CLEC16A: variants seen among roughly 807,000 people sequenced by gnomAD.
CLEC16A encodes C-type lectin domain containing 16A.
CLEC16A carries 51 observed loss-of-function variants against 109.5 expected under a neutral mutation model. The observed-to-expected ratio is 0.47, with a 90% CI of 0.37 to 0.59. CLEC16A has a LOEUF of 0.59. CLEC16A is among the 20% of genes least tolerant of loss of function. The pLI, the probability that CLEC16A is intolerant of heterozygous loss-of-function variation, is 0.00. For missense variants in CLEC16A, 1,339 were observed against 1,394.0 expected, an observed-to-expected ratio of 0.96 and a Z score of 0.63; for synonymous variants, 673 against 564.2, an observed-to-expected ratio of 1.19 and a Z score of -2.73.
intron 22 of CLEC16A, among the ~76,000 whole-genome samples, chr16:11,130,348 C>T (rs1011754207): frequency 6.6e-6 from 1 of 152,208 alleles, no homozygotes; most frequent in Non-Finnish European, 1.5e-5. Flanking sequence ...GCCCTAGATA[C>T]TTGGTGGTTT....
At chr16:11,036,335 C>A (rs1256403422) in intron 13 of CLEC16A, among the ~76,000 whole-genome samples, 1 of 151,980 alleles carries the variant, frequency 6.6e-6, no homozygotes, top group African/African-American at 2.4e-5. Context: ...TGGGTCTGCT[C>A]CACTCCCTGC....
At chr16:11,154,347 A>G (rs1046233319) in intron 22 of CLEC16A, among the ~76,000 whole-genome samples, 2 of 152,260 alleles carry the variant, frequency 1.3e-5, no homozygotes, top group African/African-American at 2.4e-5. Context: ...AAATGCAAAT[A>G]GAATAGTCAT....
At chr16:10,989,336 T>C (rs747853796) in intron 10 of CLEC16A, among the ~76,000 whole-genome samples, 2 of 152,076 alleles carry the variant, frequency 1.3e-5, no homozygotes, top group African/African-American at 4.8e-5. Context: ...TCCTCCCACC[T>C]CAGCCTCCTG....
chr16:11,098,352 CAG>C (rs763606447), intron 19 of CLEC16A, among the ~76,000 whole-genome samples: 3 of 152,342 alleles, frequency 2.0e-5, no homozygotes, highest in South Asian at 2.1e-4. Flanking sequence ...CAGAAAGGGA[CAG>C]GGGACCAAGT....
At chr16:10,970,867 C>T (rs1379546655) in intron 4 of CLEC16A, among the ~76,000 whole-genome samples, 1 of 152,256 alleles carries the variant, frequency 6.6e-6, no homozygotes, top group South Asian at 2.1e-4. Flanking sequence ...CCACCTCAGC[C>T]TCTCCCAAGT....
intron 22 of CLEC16A, among the ~76,000 whole-genome samples, chr16:11,148,726 C>T (rs2054171640): frequency 1.3e-5 from 2 of 152,156 alleles, no homozygotes. Flanking sequence ...CCTGTATGGC[C>T]AGGAAAGCAC....
At chr16:11,099,336 C>A (rs903399188) in intron 19 of CLEC16A, among the ~76,000 whole-genome samples, 1 of 152,230 alleles carries the variant, frequency 6.6e-6, no homozygotes, top group Non-Finnish European at 1.5e-5. Context: ...TTGTGGCTGT[C>A]TAAATCTACA....
rs200568391 is a variant in CLEC16A at position 11,178,617 on chromosome 16, C to T, written c.3089C>T (p.Pro1030Leu). ...ACCGGCATGCCCCCGCTGTCCACGC[C>T]GGCTGCCGCCTGCACAGAGCCCGTG... ...SLTGMPPLST[P>L]AAACTEPVGE... The change falls in exon 24 of 24, where the codon CCG becomes CTG. Residue 1030 changes from proline to leucine, a missense_variant. Pro to Leu is a moderately conservative substitution (Grantham distance 98, BLOSUM62 -3). This residue lies in a region of CLEC16A where 1,061 missense variants were observed against 1,006.8 expected (regional missense o/e 1.05). Transcript: ENST00000409790. The surrounding 1 kb of genome is among the most constrained non-coding windows in gnomAD (Gnocchi z 6.5). 9.3e-5 allele frequency: 149 copies of T among 1,600,936 alleles called. 3 individuals carry two copies. In the Middle Eastern group the frequency reaches 2.0e-3, roughly 21 times the overall value.
At position 11,167,746 on chromosome 16, in the gene CLEC16A, G is replaced by A. The variant is rs142992849; in HGVS notation, c.2806+1194G>A. On this transcript the variant is annotated intron_variant, in intron 23 of 23. Coordinates refer to ENST00000409790, the MANE Select transcript of CLEC16A (RefSeq NM_015226.3). ...CTCACTGAGAGATCCTCTTCCACTC[G>A]GCACCTGCTCCAGGGCATGACCACC... Among the ~76,000 whole-genome samples, 4 of 152,186 alleles carry A rather than the reference G, an allele frequency of 2.6e-5. No individual in the cohort carries two copies. In the East Asian group the frequency reaches 7.7e-4, roughly 29 times the overall value.
At chr16:11,098,773 G>T (rs1047582973) in intron 19 of CLEC16A, among the ~76,000 whole-genome samples, 3 of 152,216 alleles carry the variant, frequency 2.0e-5, no homozygotes, top group Non-Finnish European at 4.4e-5. Flanking sequence ...CCCAAGTGCT[G>T]TGTGTGGGAG....
chr16:11,129,089 C>T (rs2053024090), intron 22 of CLEC16A, among the ~76,000 whole-genome samples: 1 of 152,192 alleles, frequency 6.6e-6, no homozygotes. Context: ...ACTCTAGCCC[C>T]AACCCCAGCC....
Position 11,047,284 on chromosome 16 carries a change from C to G in CLEC16A, c.1816-8C>G, listed in dbSNP as rs1321794854. ...AATCTCCTCTTCCCTCCCTTCCTTT[C>G]TTTTTAGGGAGAAGACATTTTTTTG... On this transcript the variant is annotated splice_region_variant and splice_polypyrimidine_tract_variant and intron_variant, in intron 16 of 23. Transcript: ENST00000409790. The G allele has an allele frequency of 1.9e-6, 3 of 1,606,440 alleles. No homozygotes were observed. Among genetic ancestry groups the G allele is most frequent in the Middle Eastern group, 1.7e-4 (1 of 6,036 alleles).
chr16:11,112,907 C>G (rs1448167509), intron 19 of CLEC16A, among the ~76,000 whole-genome samples: 1 of 152,148 alleles, frequency 6.6e-6, no homozygotes, highest in Non-Finnish European at 1.5e-5. Flanking sequence ...GTCTGCACAG[C>G]CTTTCATGGT....
chr16:11,100,949 G>A (rs1036083397), intron 19 of CLEC16A, among the ~76,000 whole-genome samples: 2 of 152,148 alleles, frequency 1.3e-5, no homozygotes, highest in African/African-American at 4.8e-5. Flanking sequence ...TGGTCTGTCT[G>A]TTGAGACTGT....
chr16:11,137,522 G>A (rs1313035041), intron 22 of CLEC16A, among the ~76,000 whole-genome samples: 2 of 149,746 alleles, frequency 1.3e-5, no homozygotes, highest in African/African-American at 2.5e-5. Context: ...TTGGGAGGCC[G>A]AGGCGAGTGG....
chr16:11,139,261 T>C (rs757369193), intron 22 of CLEC16A, among the ~76,000 whole-genome samples: 9 of 152,202 alleles, frequency 5.9e-5, no homozygotes, highest in Non-Finnish European at 1.3e-4. Flanking sequence ...ACCTCCAAGC[T>C]TGGCATGATG....
intron 10 of CLEC16A, among the ~76,000 whole-genome samples, chr16:10,992,996 G>T (rs1037117449): frequency 8.5e-5 from 13 of 152,108 alleles, no homozygotes; most frequent in African/African-American, 3.1e-4. Flanking sequence ...TGAGTCAGAG[G>T]CCTCTGTGGG....
At chr16:11,167,771 C>A (rs1020283816) in intron 23 of CLEC16A, among the ~76,000 whole-genome samples, 2 of 152,210 alleles carry the variant, frequency 1.3e-5, no homozygotes, top group Admixed American at 1.3e-4. Flanking sequence ...GCATGACCAC[C>A]CCTTCTGAGC....
chr16:11,019,062 G>A (rs540888645), intron 11 of CLEC16A, among the ~76,000 whole-genome samples: 1 of 152,208 alleles, frequency 6.6e-6, no homozygotes, highest in Non-Finnish European at 1.5e-5. Flanking sequence ...GGCAGAGGCG[G>A]TGTCTGAGCC....
Sources: gnomAD v4.1 joint callset for allele counts (sites outside exome capture counted in the v4.1 genomes callset) on GRCh38, gnomAD v4.1.1 for gene constraint, gnomAD v4.1.1 regional missense constraint, Gnocchi (gnomAD v3.1) non-coding constraint, MANE v1.5 for transcripts, NCBI Gene and HGNC (gene_info 2026-07-23, HGNC 2026-07-21) for gene names.